Variants in ZNF44 observed in about 807,000 individuals in gnomAD.
ZNF44 encodes the protein gonadotropin inducible transcription repressor-2.
ZNF44 carries 9 observed loss-of-function variants against 11.7 expected under a neutral mutation model. The ratio of observed to expected loss-of-function variants is 0.77; its 90% CI spans 0.46 to 1.35. The LOEUF is 1.35. ZNF44 is among the 40% of genes most tolerant of loss of function. ZNF44 has a pLI of 0.00. For missense variants in ZNF44, 696 were observed against 743.1 expected (o/e 0.94, Z 0.74); for synonymous variants, 224 against 242.7 (o/e 0.92, Z 0.72).
chr19:12,273,275 T>A lies in ZNF44; in HGVS notation c.980A>T (p.His327Leu), dbSNP rs1380584704. 6.2e-7 allele frequency: 1 copy of A among 1,614,076 alleles called. No individual in the cohort carries two copies. The highest frequency in any genetic ancestry group is 8.5e-7 in the Non-Finnish European group (1 of 1,180,034). The part of the protein sequence containing the change: ...AFCHLGSFQR[H>L]MIMHSGDGPH... The stretch of plus-strand genomic sequence containing the variant: ...TCCATCTCCACTGTGCATTATCATG[T>A]GTCTTTGAAAGCTTCCAAGATGACA... The change falls in exon 4 of 4, where the codon CAC becomes CTC. Residue 327 changes from histidine (H) to leucine (L), a missense_variant. Coordinates refer to ENST00000355684, the MANE Select transcript of ZNF44 (RefSeq NM_016264.4).
At chr19:12,247,490 A>AC (rs754758810), downstream of ZNF44, 3 of 1,343,108 alleles carry the variant, frequency 2.2e-6, no homozygotes, top group Middle Eastern at 2.1e-4. Flanking sequence ...TATAACTGGA[A>AC]CTACTGAAGG....
chr19:12,227,362 A>C (rs956819835), intron 3 of ZNF44, among the ~76,000 whole-genome samples: 7 of 152,248 alleles, frequency 4.6e-5, no homozygotes, highest in African/African-American at 1.7e-4. Flanking sequence ...GCAGTTTGGG[A>C]GGCCAAGGCA....
At chr19:12,266,875 C>T (rs866224671), downstream of ZNF44, among the ~76,000 whole-genome samples, 7 of 152,092 alleles carry the variant, frequency 4.6e-5, no homozygotes, top group South Asian at 1.2e-3. Flanking sequence ...GCCAAAGGAA[C>T]GATCCTCGTG....
At chr19:12,293,839 C>T (rs1968120689) in intron 1 of ZNF44, among the ~76,000 whole-genome samples, 2 of 152,136 alleles carry the variant, frequency 1.3e-5, no homozygotes. Context: ...CACAGCTCCT[C>T]CCACACACAA....
At chr19:12,242,235 C>A (rs906946757), upstream of ZNF44, among the ~76,000 whole-genome samples, 1 of 151,978 alleles carries the variant, frequency 6.6e-6, no homozygotes, top group East Asian at 1.9e-4. Flanking sequence ...AGGCCGGGTG[C>A]GGTGGCTCAC....
At chr19:12,238,960 C>T (rs1030846351), upstream of ZNF44, among the ~76,000 whole-genome samples, 3 of 152,198 alleles carry the variant, frequency 2.0e-5, no homozygotes, top group African/African-American at 4.8e-5. Context: ...TTCCTGTCCC[C>T]TCAGTGTGGA....
chr19:12,277,483 A>G (rs1967277993), intron 1 of ZNF44, among the ~76,000 whole-genome samples: 1 of 152,196 alleles, frequency 6.6e-6, no homozygotes, highest in South Asian at 2.1e-4. Context: ...ACATAAACCA[A>G]TTTTTATAGA....
At position 12,272,646 on chromosome 19, in the gene ZNF44, A is replaced by G. The variant is rs959568548; in HGVS notation, c.1609T>C (p.Cys537Arg). The change falls in exon 4 of 4, where the codon TGC becomes CGC. Residue 537 changes from cysteine to arginine, a missense_variant. Transcript: ENST00000355684. The part of the protein sequence containing the change: ...TAEKPYECKQ[C>R]RKAFFWPSFL... ...GAGGGCCAAAAGAATGCTTTCCTGC[A>G]TTGCTTACATTCATATGGCTTCTCT... The G allele has an allele frequency of 1.2e-6, 2 of 1,613,598 alleles. No homozygotes were observed. Among genetic ancestry groups the G allele is most frequent in the Non-Finnish European group, 1.7e-6 (2 of 1,179,860 alleles).
intron 1 of ZNF44, chr19:12,284,232 A>G (rs952096515): frequency 6.5e-5 from 21 of 322,842 alleles, no homozygotes; most frequent in African/African-American, 3.7e-4. Flanking sequence ...ATGCTAATCC[A>G]GTAAAAACAC....
intron 5 of ZNF44, among the ~76,000 whole-genome samples, chr19:12,253,479 T>C (rs1917110545): frequency 6.6e-6 from 1 of 151,880 alleles, no homozygotes; most frequent in Non-Finnish European, 1.5e-5. Context: ...CGTGAGCCAC[T>C]GTACCCGCCC....
At chr19:12,240,250 C>T (rs550829126), upstream of ZNF44, among the ~76,000 whole-genome samples, 133 of 151,968 alleles carry the variant, frequency 8.8e-4, no homozygotes, top group Middle Eastern at 6.8e-3. Flanking sequence ...TCAAGACCAG[C>T]ATGGCCAACA....
chr19:12,231,072 T>G (rs777900366), intron 2 of ZNF44, among the ~76,000 whole-genome samples: 1 of 152,188 alleles, frequency 6.6e-6, no homozygotes, highest in Non-Finnish European at 1.5e-5. Flanking sequence ...TTAAGGTGAC[T>G]TTTAAAATGA....
At chr19:12,279,359 TA>T (rs950866725) in intron 1 of ZNF44, among the ~76,000 whole-genome samples, 1 of 151,512 alleles carries the variant, frequency 6.6e-6, no homozygotes, top group African/African-American at 2.4e-5. Flanking sequence ...TGTCTCTATT[TA>T]AAAAAAAGAA....
chr19:12,266,416 AG>A lies in ZNF44; in HGVS notation c.1912+6070del, dbSNP rs976628433. 3.3e-6 allele frequency: 3 copies of A among 901,144 alleles called. No individual in the cohort carries two copies. The African/African-American group carries it at 5.4e-5, about 16-fold the overall frequency. 55.8% of individuals were successfully genotyped at this position (901,144 alleles called of 1,614,324 possible). A position where few individuals can be genotyped will look rare whatever the true frequency, so the allele number is the denominator to read the frequency against. On this transcript the variant is annotated intron_variant and NMD_transcript_variant, in intron 5 of 7. Transcript: ENST00000393337. ...AGCGACCCGAGGGCGCCAAGGCGAG[AG>A]GGAAAAAAAACCCAAACCCACGGGC...
rs551236052 is a variant in ZNF44, at chr19:12,236,592, GTTAAAT to G, written n.138+854_138+859del. Among the ~76,000 whole-genome samples, 40 of 152,332 alleles carry G rather than the reference GTTAAAT, an allele frequency of 2.6e-4. No individual in the cohort carries two copies. The South Asian group carries it at 8.1e-3, about 31-fold the overall frequency. On this transcript the variant is annotated intron_variant and non_coding_transcript_variant, in intron 1 of 3. Coordinates refer to the ZNF44 transcript ENST00000597563. Reference sequence around the variant, plus strand: ...ATAAAACTGAACTCTCAGCCTGCAAGTTAAATATTTCACTGACCTGTACTGATGACA... The same window carrying G: ...ATAAAACTGAACTCTCAGCCTGCAAGATTTCACTGACCTGTACTGATGACA...
chr19:12,245,792 T>C (rs1916753436), downstream of ZNF44, among the ~76,000 whole-genome samples: 2 of 152,166 alleles, frequency 1.3e-5, no homozygotes, highest in Admixed American at 1.3e-4. Flanking sequence ...TAGAATCTTT[T>C]TTTTTTCCAT....
intron 1 of ZNF44, among the ~76,000 whole-genome samples, chr19:12,286,362 G>A (rs1224748488): frequency 2.0e-5 from 3 of 152,172 alleles, no homozygotes; most frequent in Admixed American, 6.5e-5. Context: ...GAGGCCGGGC[G>A]CGGTGGCTCA....
intron 2 of ZNF44, among the ~76,000 whole-genome samples, chr19:12,233,635 G>A (rs2145677313): frequency 6.7e-6 from 1 of 150,298 alleles, no homozygotes; most frequent in African/African-American, 2.4e-5. Context: ...ACTTCAAAGT[G>A]TACATTATAA....
Position 12,294,739 on chromosome 19 carries a change from A to T in ZNF44, c.-45T>A. ...CCGGGTCCTCCCAACTCCCGTAGTC[A>T]GGGTAGGTCCCAGCGCGACAAAAGC... On this transcript the variant is annotated 5_prime_UTR_variant, in exon 1 of 4. Coordinates refer to ENST00000355684, the MANE Select transcript of ZNF44 (RefSeq NM_016264.4). The T allele has an allele frequency of 6.5e-7, 1 of 1,545,876 alleles. No individual in the cohort carries two copies. The highest frequency in any genetic ancestry group is 8.7e-7 in the Non-Finnish European group (1 of 1,145,790).
Sources: allele counts gnomAD v4.1 joint callset (sites outside exome capture counted in the v4.1 genomes callset), GRCh38; gene constraint gnomAD v4.1.1; transcripts MANE v1.5; gene names NCBI Gene and HGNC (gene_info 2026-07-23, HGNC 2026-07-21).